The following SPATS2 variants were observed in gnomAD, a reference collection of about 807,000 sequenced individuals.
The protein encoded by SPATS2 is spermatogenesis associated serine rich 2.
SPATS2 carries 38 observed loss-of-function variants against 63.7 expected under a neutral mutation model. The ratio of observed to expected loss-of-function variants is 0.60; its 90% CI spans 0.46 to 0.78. SPATS2 has a LOEUF of 0.78. Among genes scored for constraint, SPATS2 ranks in the 30% least tolerant of loss-of-function variants. The pLI is 0.00. For missense variants in SPATS2, 588 were observed against 666.2 expected (o/e 0.88, Z 1.29); for synonymous variants, 207 against 232.9 (o/e 0.89, Z 1.01).
At chr12:49,470,522 T>G (rs941613336) in intron 3 of SPATS2, among the ~76,000 whole-genome samples, 4 of 152,224 alleles carry the variant, frequency 2.6e-5, no homozygotes, top group Non-Finnish European at 5.9e-5. Context: ...TTTGTGGTTT[T>G]GGTACAAATT....
intron 2 of SPATS2, among the ~76,000 whole-genome samples, chr12:49,457,055 AT>A (rs1945731743): frequency 6.6e-6 from 1 of 150,982 alleles, no homozygotes; most frequent in African/African-American, 2.4e-5. Context: ...TTGCAATCTG[AT>A]TTACTTTCCT....
At chr12:49,455,231 G>A (rs963332099) in intron 2 of SPATS2, among the ~76,000 whole-genome samples, 1 of 152,192 alleles carries the variant, frequency 6.6e-6, no homozygotes, top group African/African-American at 2.4e-5. Context: ...CCCTCTGTCT[G>A]TAGATCTTTG....
intron 9 of SPATS2, 192 bp from the exon 10 acceptor site, chr12:49,514,363 A>AT (rs1427266118): frequency 1.8e-6 from 1 of 544,782 alleles, no homozygotes; most frequent in Non-Finnish European, 3.2e-6. Flanking sequence ...TATTTATTTT[A>AT]TTTATGGGAA....
At position 49,423,280 on chromosome 12, in the gene SPATS2, G is replaced by A. The variant is rs920757034; in HGVS notation, c.-243-37490G>A. On this transcript the variant is annotated intron_variant, in intron 2 of 13. Coordinates refer to ENST00000552918, the MANE Select transcript of SPATS2 (RefSeq NM_023071.4). ...CCCGAGTAGCCAGGACTACAGGCAC[G>A]CACCACCACACCAGATAATTTTTGT... Among the ~76,000 whole-genome samples the A allele has an allele frequency of 3.3e-5, 5 of 151,890 alleles. No homozygotes were observed. The East Asian group carries it at 7.8e-4, about 24-fold the overall frequency.
chr12:49,413,365 ACTGT>A (rs1353978618), intron 2 of SPATS2, among the ~76,000 whole-genome samples: 1 of 151,944 alleles, frequency 6.6e-6, no homozygotes, highest in Non-Finnish European at 1.5e-5. Context: ...TAGCCAGACT[ACTGT>A]AACTTTTTAA....
At chr12:49,480,026 C>T (rs763001548) in intron 3 of SPATS2, among the ~76,000 whole-genome samples, 1 of 152,168 alleles carries the variant, frequency 6.6e-6, no homozygotes, top group Non-Finnish European at 1.5e-5. Context: ...ATTATAATTC[C>T]ATTTTTCTCC....
chr12:49,367,247 C>T, upstream of SPATS2: 1 of 282,390 alleles, frequency 3.5e-6, no homozygotes, highest in Non-Finnish European at 6.6e-6. Flanking sequence ...GGATTCGCGC[C>T]GGCGCGAGTA....
chr12:49,379,073 A>G (rs946514612), intron 2 of SPATS2, among the ~76,000 whole-genome samples: 6 of 151,402 alleles, frequency 4.0e-5, no homozygotes, highest in African/African-American at 1.5e-4. Context: ...ATGTGCCACC[A>G]TGCCCTGCTA....
chr12:49,462,153 A>G (rs1360210103), intron 3 of SPATS2: 8 of 596,234 alleles, frequency 1.3e-5, no homozygotes, highest in Non-Finnish European at 2.4e-5. Context: ...GAGAGTCTTT[A>G]TTTCATGTCT....
chr12:49,502,116 C>G (rs527641125), intron 9 of SPATS2, among the ~76,000 whole-genome samples: 225 of 152,254 alleles, frequency 1.5e-3, no homozygotes, highest in Non-Finnish European at 2.3e-3. Flanking sequence ...AGGAAGTGTT[C>G]ATGAAAAGAA....
intron 2 of SPATS2, among the ~76,000 whole-genome samples, chr12:49,427,631 C>A (rs1486736143): frequency 6.6e-6 from 1 of 152,050 alleles, no homozygotes; most frequent in East Asian, 1.9e-4. Flanking sequence ...AGAAATGAAA[C>A]CCTTTCTGTT....
intron 10 of SPATS2, among the ~76,000 whole-genome samples, chr12:49,516,624 T>C (rs1946855285): frequency 6.6e-6 from 1 of 151,598 alleles, no homozygotes; most frequent in South Asian, 2.1e-4. Flanking sequence ...GAGAATCACT[T>C]GAACCCAGGG....
intron 2 of SPATS2, among the ~76,000 whole-genome samples, chr12:49,408,024 A>T (rs1025155460): frequency 6.6e-6 from 1 of 152,238 alleles, no homozygotes; most frequent in Admixed American, 6.5e-5. Flanking sequence ...TTGAATGAAA[A>T]CAATGTCAGT....
chr12:49,525,037 C>T (rs994597778), intron 13 of SPATS2, 141 bp downstream of exon 13: 1 of 835,422 alleles, frequency 1.2e-6, no homozygotes, highest in African/African-American at 1.7e-5. Flanking sequence ...CAAGTTAGTT[C>T]CTGAGAAAGC....
At chr12:49,510,242 G>A (rs149832449) in intron 9 of SPATS2, among the ~76,000 whole-genome samples, 2,010 of 148,618 alleles carry the variant, frequency 0.014, 45 homozygotes, top group African/African-American at 0.041. Flanking sequence ...CAGCCTGGGT[G>A]ACAGAGCAAG....
At chr12:49,509,850 A>G (rs974996062) in intron 9 of SPATS2, among the ~76,000 whole-genome samples, 1 of 151,432 alleles carries the variant, frequency 6.6e-6, no homozygotes, top group Non-Finnish European at 1.5e-5. Context: ...ACTATTGGCA[A>G]TTCTCTTTTT....
chr12:49,457,438 C>T (rs1945739087), intron 2 of SPATS2, among the ~76,000 whole-genome samples: 2 of 145,960 alleles, frequency 1.4e-5, no homozygotes, highest in African/African-American at 2.5e-5. Context: ...CTTTCATCCT[C>T]TTTTTTTTTT....
intron 2 of SPATS2, among the ~76,000 whole-genome samples, chr12:49,386,410 C>A (rs1411470797): frequency 2.6e-5 from 4 of 151,882 alleles, no homozygotes; most frequent in African/African-American, 9.7e-5. Flanking sequence ...AGGTGATCTG[C>A]CCGCCTTGGC....
At chr12:49,496,116 G>C (rs1946459465) in intron 7 of SPATS2, among the ~76,000 whole-genome samples, 1 of 152,068 alleles carries the variant, frequency 6.6e-6, no homozygotes, top group African/African-American at 2.4e-5. Context: ...TTATTGATTA[G>C]TATACACACA....
Sources: allele counts gnomAD v4.1 joint callset (sites outside exome capture counted in the v4.1 genomes callset), GRCh38; gene constraint gnomAD v4.1.1; transcripts MANE v1.5; gene names NCBI Gene and HGNC (gene_info 2026-07-23, HGNC 2026-07-21).